Variants in ZCCHC2 observed in about 807,000 individuals in gnomAD.
ZCCHC2 encodes the protein zinc finger CCHC domain-containing protein 2.
In ZCCHC2, 39 loss-of-function variants were observed where a neutral mutation model predicts 103.6. The ratio of observed to expected loss-of-function variants is 0.38; its 90% CI spans 0.29 to 0.49. The LOEUF is 0.49. ZCCHC2 is among the 20% of genes least tolerant of loss of function. ZCCHC2 has a pLI of 0.96. For missense variants in ZCCHC2, 1,483 were observed against 1,491.0 expected (o/e 0.99, Z 0.09); for synonymous variants, 687 against 608.9 (o/e 1.13, Z -1.89).
At chr18:62,555,563 C>T (rs944431374) in intron 5 of ZCCHC2, among the ~76,000 whole-genome samples, 8 of 152,196 alleles carry the variant, frequency 5.3e-5, no homozygotes, top group African/African-American at 1.9e-4. Context: ...AATCCCAGCA[C>T]TTTGAGAGGC....
chr18:62,546,136 G>C (rs1915395938), intron 4 of ZCCHC2, among the ~76,000 whole-genome samples: 1 of 152,210 alleles, frequency 6.6e-6, no homozygotes, highest in Non-Finnish European at 1.5e-5. Flanking sequence ...ATTTCCAGAT[G>C]CTAGAGGCCA....
chr18:62,544,930 A>G (rs1915348654), intron 4 of ZCCHC2, 57 bp downstream of exon 4: 2 of 1,363,962 alleles, frequency 1.5e-6, no homozygotes, highest in South Asian at 2.9e-5. Context: ...GAATCCAGAA[A>G]CCTCAACGTC....
intron 3 of ZCCHC2, 45 bp from the exon 4 acceptor site, chr18:62,544,757 T>C (rs1483515559): frequency 6.7e-7 from 1 of 1,491,890 alleles, no homozygotes; most frequent in African/African-American, 1.4e-5. Flanking sequence ...AGCCGGTTCC[T>C]GCCTAGGGAA....
intron 6 of ZCCHC2, among the ~76,000 whole-genome samples, 192 bp downstream of exon 6, chr18:62,556,489 A>T (rs1439600009): frequency 3.3e-5 from 5 of 152,264 alleles, no homozygotes; most frequent in Admixed American, 6.5e-5. Context: ...AATATAACAG[A>T]GCAGACTGAT....
Position 62,564,590 on chromosome 18 carries a change from G to A in ZCCHC2, c.1706G>A (p.Ser569Asn), listed in dbSNP as rs1237303537. 4 of 1,540,578 alleles carry A rather than the reference G, an allele frequency of 2.6e-6. No individual in the cohort carries two copies. The highest frequency in any genetic ancestry group is 3.5e-6 in the Non-Finnish European group (4 of 1,142,324). Residue 569 changes from serine to asparagine, a missense_variant, in exon 10 of 14, where the codon AGT (serine) becomes AAT (asparagine). Transcript: ENST00000269499. ...TACTAGCATTCTGCTGAAAAACGGA[G>A]TTTATCTTCAATAAATAAGAAGAAA... ...SADQHSAEKR[S>N]LSSINKKKGK...
intron 11 of ZCCHC2, among the ~76,000 whole-genome samples, chr18:62,567,943 T>TGAAAAAAAAAAAAAAA (rs1916437329): frequency 1.4e-4 from 1 of 7,284 alleles, no homozygotes; most frequent in Non-Finnish European, 2.1e-4. Context: ...AGACTCTGTC[T>TGAAAAAAAAAAAAAAA]CAAAAAAAAA....
intron 1 of ZCCHC2, 128 bp downstream of exon 1, chr18:62,524,491 C>G: frequency 7.4e-7 from 1 of 1,352,208 alleles, no homozygotes; most frequent in Non-Finnish European, 9.6e-7. Flanking sequence ...CCCCACCCGG[C>G]AGCTCCCAGC....
chr18:62,527,513 T>C (rs1914486325), intron 1 of ZCCHC2, among the ~76,000 whole-genome samples: 1 of 152,196 alleles, frequency 6.6e-6, no homozygotes, highest in Admixed American at 6.5e-5. Flanking sequence ...TTCTAGAGTT[T>C]TTCTATTATT....
At chr18:62,542,739 T>G (rs1364302242) in intron 3 of ZCCHC2, among the ~76,000 whole-genome samples, 165 bp downstream of exon 3, 1 of 152,246 alleles carries the variant, frequency 6.6e-6, no homozygotes, top group East Asian at 1.9e-4. Context: ...TTGCCAAGTT[T>G]TTTTGAAGTT....
chr18:62,537,011 A>G (rs1177382188), intron 1 of ZCCHC2, among the ~76,000 whole-genome samples: 2 of 152,192 alleles, frequency 1.3e-5, no homozygotes, highest in Non-Finnish European at 2.9e-5. Context: ...ATAGCATAAA[A>G]TTCTCATTTT....
chr18:62,534,166 C>T (rs1460298481), intron 1 of ZCCHC2, among the ~76,000 whole-genome samples: 1 of 152,022 alleles, frequency 6.6e-6, no homozygotes, highest in East Asian at 1.9e-4. Context: ...AAAAAATTAG[C>T]CTGGCATGGT....
In ZCCHC2 at chr18:62,555,547, G is replaced by A. The variant is rs541018396; in HGVS notation, c.1314-656G>A. Among the ~76,000 whole-genome samples the A allele has an allele frequency of 2.0e-5, 3 of 152,268 alleles. No homozygotes were observed. In the South Asian group the frequency reaches 6.2e-4, roughly 32 times the overall value. ...CCAAAGGCCAGGCTCAGTGGCTCAC[G>A]CCTGTAATCCCAGCACTTTGAGAGG... is the stretch of plus-strand genomic sequence containing the variant. On this transcript the variant is annotated intron_variant, in intron 5 of 13. Transcript: ENST00000269499.
At chr18:62,544,931 C>T (rs1915348788) in intron 4 of ZCCHC2, 58 bp downstream of exon 4, 2 of 1,352,374 alleles carry the variant, frequency 1.5e-6, no homozygotes, top group Non-Finnish European at 2.0e-6. Flanking sequence ...AATCCAGAAA[C>T]CTCAACGTCA....
In ZCCHC2 at chr18:62,524,118, G is replaced by C. The variant is rs1329095715; in HGVS notation, c.694G>C (p.Glu232Gln). 1 of 1,529,254 alleles carries C rather than the reference G, an allele frequency of 6.5e-7. No homozygotes were observed. The highest frequency in any genetic ancestry group is 1.2e-5 in the South Asian group (1 of 82,860). 94.7% of individuals were successfully genotyped at this position (1,529,254 alleles called of 1,614,324 possible). A position where few individuals can be genotyped will look rare whatever the true frequency, so the allele number is the denominator to read the frequency against. Residue 232 changes from glutamate (E) to glutamine (Q), a missense_variant, in exon 1 of 14, where the codon GAG (glutamate) becomes CAG (glutamine). Glu to Gln is a conservative substitution (Grantham distance 29). Transcript: ENST00000269499. Reference protein sequence around the residue: ...GEDGDGEQDAEKDGSGPEGGI... With the variant: ...GEDGDGEQDAQKDGSGPEGGI... ...GGACGGCGACGGCGAGCAGGACGCCGAGAAGGACGGCTCAGGCCCGGAAGG... is the reference window on the plus strand; with the variant it reads ...GGACGGCGACGGCGAGCAGGACGCCCAGAAGGACGGCTCAGGCCCGGAAGG...
chr18:62,525,063 T>C (rs1057165964), intron 1 of ZCCHC2: 1 of 97,490 alleles, frequency 1.0e-5, no homozygotes, highest in African/African-American at 3.1e-5. Flanking sequence ...AGAAACCTTT[T>C]CTAGCGCGGC....
chr18:62,548,057 T>G (rs1915494631), intron 4 of ZCCHC2, among the ~76,000 whole-genome samples: 1 of 152,182 alleles, frequency 6.6e-6, no homozygotes, highest in East Asian at 1.9e-4. Flanking sequence ...CATTAGATTA[T>G]CCGTTGGTCT....
At position 62,523,887 on chromosome 18, in the gene ZCCHC2, C is replaced by G; in HGVS notation, c.463C>G (p.Leu155Val). Residue 155 changes from leucine (L) to valine (V), a missense_variant, in exon 1 of 14, where the codon CTC (leucine) becomes GTC (valine). Transcript: ENST00000269499. ...CGACTCGGAGGCCAAGGCCAACGGC[C>G]TCTCGGACCCGGGGCCGCTGGCCGA... ...LRDSEAKANG[L>V]SDPGPLADFR... The G allele has an allele frequency of 1.3e-6, 2 of 1,541,634 alleles. No homozygotes were observed. The highest frequency in any genetic ancestry group is 1.7e-6 in the Non-Finnish European group (2 of 1,145,594).
intron 3 of ZCCHC2, 103 bp downstream of exon 3, chr18:62,542,677 T>C (rs898804843): frequency 1.0e-6 from 1 of 967,564 alleles, no homozygotes; most frequent in East Asian, 2.6e-5. Flanking sequence ...GTATATATGT[T>C]TGTTTTTAAT....
chr18:62,541,812 AT>A (rs1279643110), intron 2 of ZCCHC2, among the ~76,000 whole-genome samples: 2 of 152,176 alleles, frequency 1.3e-5, no homozygotes, highest in Non-Finnish European at 2.9e-5. Flanking sequence ...GGATTTATAC[AT>A]TTGCTTACTT....
Sources: allele counts gnomAD v4.1 joint callset (sites outside exome capture counted in the v4.1 genomes callset), GRCh38; gene constraint gnomAD v4.1.1; transcripts MANE v1.5; gene names NCBI Gene and HGNC (gene_info 2026-07-23, HGNC 2026-07-21).